CACNA2D3: variants seen among roughly 807,000 people sequenced by gnomAD.
The protein encoded by CACNA2D3 is calcium voltage-gated channel auxiliary subunit alpha2delta 3.
CACNA2D3 carries 60 observed loss-of-function variants against 160.6 expected under a neutral mutation model. The observed-to-expected ratio is 0.37, with a 90% confidence interval of 0.30 to 0.46. The LOEUF (loss-of-function observed/expected upper bound fraction) is 0.46. CACNA2D3 is among the 20% of genes least tolerant of loss of function. The probability of loss-of-function intolerance (pLI) is 1.00; values close to 1 mark genes in which losing one functional copy is unlikely to be tolerated. For missense variants in CACNA2D3, 1,205 were observed against 1,365.0 expected, an observed-to-expected ratio of 0.88 and a Z score of 1.85; for synonymous variants, 558 against 492.9, an observed-to-expected ratio of 1.13 and a Z score of -1.75.
chr3:54,896,985 G>T (rs1700205509), intron 26 of CACNA2D3, 115 bp downstream of exon 26: 1 of 1,341,450 alleles, frequency 7.5e-7, no homozygotes, highest in Admixed American at 1.8e-5. Context: ...TCAACCCTCA[G>T]AGCCAGTGCT....
At chr3:54,457,998 C>T (rs1700430619) in intron 4 of CACNA2D3, among the ~76,000 whole-genome samples, 1 of 152,020 alleles carries the variant, frequency 6.6e-6, no homozygotes, top group South Asian at 2.1e-4. Context: ...TTCCTGTAGG[C>T]AGCATATAGT....
At chr3:54,633,052 A>T (rs1699279165) in intron 10 of CACNA2D3, among the ~76,000 whole-genome samples, 1 of 152,130 alleles carries the variant, frequency 6.6e-6, no homozygotes, top group South Asian at 2.1e-4. Context: ...CAGGACTAAG[A>T]TGAGGAAAGT....
chr3:54,450,365 A>G (rs1206368234), intron 4 of CACNA2D3, among the ~76,000 whole-genome samples: 11 of 152,130 alleles, frequency 7.2e-5, no homozygotes, highest in Non-Finnish European at 1.2e-4. Flanking sequence ...TTCAATCCCA[A>G]CATCTCTTCA....
chr3:54,908,198 C>T (rs995946765), intron 27 of CACNA2D3, among the ~76,000 whole-genome samples: 16 of 152,198 alleles, frequency 1.1e-4, no homozygotes, highest in African/African-American at 3.1e-4. Context: ...TCCAATTTTT[C>T]TACATCCTTT....
At chr3:54,982,712 GT>G (rs77264838) in intron 29 of CACNA2D3, among the ~76,000 whole-genome samples, 3,138 of 142,594 alleles carry the variant, frequency 0.022, 86 homozygotes, top group African/African-American at 0.067. Flanking sequence ...CCATTTTTAT[GT>G]TTTTTTTTTT....
chr3:54,167,868 T>TG (rs1435700752), intron 2 of CACNA2D3, among the ~76,000 whole-genome samples: 1 of 152,220 alleles, frequency 6.6e-6, no homozygotes, highest in Non-Finnish European at 1.5e-5. Flanking sequence ...GGGCTCCCTG[T>TG]AGATTCTTAT....
chr3:55,045,601 T>C (rs1271071932), intron 35 of CACNA2D3, among the ~76,000 whole-genome samples: 4 of 152,226 alleles, frequency 2.6e-5, no homozygotes, highest in Non-Finnish European at 5.9e-5. Flanking sequence ...TTAGCTATTA[T>C]TTCTTGAGTG....
rs558365550 is a variant in CACNA2D3, at chr3:54,588,095, T to C, written c.963+6218T>C. Among the ~76,000 whole-genome samples, 4 of 152,310 alleles carry C rather than the reference T, an allele frequency of 2.6e-5. No individual in the cohort carries two copies. The East Asian group carries it at 7.7e-4, about 29-fold the overall frequency. On this transcript the variant is annotated intron_variant, in intron 9 of 37. Coordinates refer to ENST00000474759, the MANE Select transcript of CACNA2D3 (RefSeq NM_018398.3). ...TCAGCACATCAAACCCAATGATGTA[T>C]ATAAAAAATAATATGCTACCTGCAA... is the stretch of plus-strand genomic sequence containing the variant.
chr3:54,500,795 TA>T (rs1701282808), intron 4 of CACNA2D3, among the ~76,000 whole-genome samples: 1 of 152,200 alleles, frequency 6.6e-6, no homozygotes, highest in South Asian at 2.1e-4. Context: ...CAAATAACCT[TA>T]CACTACTTCA....
intron 17 of CACNA2D3, among the ~76,000 whole-genome samples, chr3:54,863,503 G>T (rs1699338042): frequency 6.6e-6 from 1 of 152,072 alleles, no homozygotes; most frequent in Non-Finnish European, 1.5e-5. Flanking sequence ...TGATTTTTAT[G>T]TCTAGCTTGC....
chr3:54,606,178 A>G (rs61047159), intron 9 of CACNA2D3, among the ~76,000 whole-genome samples: 50,008 of 151,946 alleles, frequency 0.33, 8,559 homozygotes, highest in South Asian at 0.41. Flanking sequence ...TATGAATCAC[A>G]TAATAACAAC....
rs144267758 is a variant in CACNA2D3, at chr3:55,029,309, G to T, written c.2987+10992G>T. ...ATTTAAATGCCCTAACCCTCACTTT[G>T]CTCATCTCCAAGAGGGCTATAAGCA... On this transcript the variant is annotated intron_variant, in intron 35 of 37. Transcript: ENST00000474759. 4.7e-3 allele frequency among the ~76,000 whole-genome samples: 710 copies of T among 152,238 alleles called. 9 individuals carry two copies. Among genetic ancestry groups the T allele is most frequent in the African/African-American group, 0.016 (671 of 41,524 alleles).
At position 54,514,896 on chromosome 3, in the gene CACNA2D3, C is replaced by T. The variant is rs528086137; in HGVS notation, c.544+11242C>T. 3.9e-5 allele frequency among the ~76,000 whole-genome samples: 6 copies of T among 152,274 alleles called. No homozygotes were observed. The South Asian group carries it at 8.3e-4, about 21-fold the overall frequency. On this transcript the variant is annotated intron_variant, in intron 5 of 37. Transcript: ENST00000474759. ...GAGGGTGATGCCTTGGAGAATCTACCGCTTGTGCCATTGCACTATCTACCT... is the reference window on the plus strand; with the variant it reads ...GAGGGTGATGCCTTGGAGAATCTACTGCTTGTGCCATTGCACTATCTACCT...
At chr3:54,123,306 A>T (rs1358693877) in intron 1 of CACNA2D3, among the ~76,000 whole-genome samples, 1 of 150,502 alleles carries the variant, frequency 6.6e-6, no homozygotes, top group Non-Finnish European at 1.5e-5. Flanking sequence ...TAACTCCGCG[A>T]CCCCCCTCGG....
At chr3:54,666,482 G>A (rs948204412) in intron 11 of CACNA2D3, among the ~76,000 whole-genome samples, 66 of 152,160 alleles carry the variant, frequency 4.3e-4, no homozygotes, top group Admixed American at 1.2e-3. Context: ...TCATTGGAGC[G>A]TTACTGCCTC....
intron 5 of CACNA2D3, among the ~76,000 whole-genome samples, chr3:54,541,871 A>G (rs1701985008): frequency 1.3e-5 from 2 of 151,882 alleles, no homozygotes; most frequent in African/African-American, 4.8e-5. Flanking sequence ...AGCAGTGGCA[A>G]TGTTGTGGTT....
intron 11 of CACNA2D3, among the ~76,000 whole-genome samples, chr3:54,750,924 C>T (rs1024249344): frequency 6.6e-6 from 1 of 151,918 alleles, no homozygotes; most frequent in Non-Finnish European, 1.5e-5. Context: ...TGCATGCCAC[C>T]ATGCACAGCT....
intron 2 of CACNA2D3, among the ~76,000 whole-genome samples, chr3:54,289,477 A>G (rs1292704718): frequency 6.6e-6 from 1 of 152,064 alleles, no homozygotes; most frequent in Non-Finnish European, 1.5e-5. Context: ...AAATGGCCAT[A>G]CTGCCCAAGG....
intron 2 of CACNA2D3, among the ~76,000 whole-genome samples, chr3:54,183,229 T>TTTTTTTG (rs11437832): frequency 6.9e-6 from 1 of 145,666 alleles, no homozygotes; most frequent in Non-Finnish European, 1.5e-5. Flanking sequence ...TTTTTTTTTT[T>TTTTTTTG]CTATTCAGAA....
Sources: gnomAD v4.1 joint callset for allele counts (sites outside exome capture counted in the v4.1 genomes callset) on GRCh38, gnomAD v4.1.1 for gene constraint, MANE v1.5 for transcripts, NCBI Gene and HGNC (gene_info 2026-07-23, HGNC 2026-07-21) for gene names.